ASB15: variants seen among roughly 807,000 people sequenced by gnomAD.
ASB15 encodes ankyrin repeat and SOCS box containing 15, also known as ankyrin repeat and SOCS box protein 15.
Under a neutral mutation model 58.0 loss-of-function variants are expected in ASB15, and 54 were observed. The ratio of observed to expected loss-of-function variants is 0.93; its 90% confidence interval spans 0.75 to 1.17. The LOEUF is 1.17. ASB15 is among the 50% of genes most tolerant of loss of function. ASB15 has a pLI of 0.00. For missense variants in ASB15, 680 were observed against 707.4 expected (o/e 0.96, Z 0.44); for synonymous variants, 249 against 262.4 (o/e 0.95, Z 0.50).
chr7:123,576,091 A>G (rs1799057065), intron 1 of ASB15, among the ~76,000 whole-genome samples: 1 of 151,124 alleles, frequency 6.6e-6, no homozygotes, highest in African/African-American at 2.4e-5. Context: ...GATATATAGG[A>G]ATATGCTTTA....
chr7:123,631,036 T>C (rs915699624), intron 11 of ASB15, among the ~76,000 whole-genome samples: 3 of 152,148 alleles, frequency 2.0e-5, no homozygotes, highest in Admixed American at 2.0e-4. Context: ...AGGAGTAGGA[T>C]TGCTAGATTA....
intron 1 of ASB15, among the ~76,000 whole-genome samples, chr7:123,603,269 G>T (rs1439685183): frequency 1.3e-5 from 2 of 152,118 alleles, no homozygotes; most frequent in Non-Finnish European, 2.9e-5. Flanking sequence ...AACAGACGTT[G>T]AATGTATATT....
chr7:123,605,850 C>T lies in ASB15; in HGVS notation c.-64+1638C>T, dbSNP rs79979874. ...CAGACGCCAAGACCTACCTGAGGGT[C>T]GAAAGTGGGAGGAGGGCAAGGATAG... On this transcript the variant is annotated intron_variant, in intron 2 of 11. Coordinates refer to ENST00000451215, the MANE Select transcript of ASB15 (RefSeq NM_001290258.2). Among the ~76,000 whole-genome samples the T allele has an allele frequency of 6.6e-4, 100 of 152,124 alleles. 1 individual carries two copies. The highest frequency in any genetic ancestry group is 2.4e-3 in the African/African-American group (99 of 41,520).
chr7:123,612,943 C>A (rs569748519), intron 3 of ASB15, among the ~76,000 whole-genome samples: 2 of 152,014 alleles, frequency 1.3e-5, no homozygotes, highest in East Asian at 3.9e-4. Flanking sequence ...AAGCAAAATA[C>A]CATTTACATC....
intron 11 of ASB15, among the ~76,000 whole-genome samples, chr7:123,633,872 C>T (rs536053993): frequency 2.6e-4 from 40 of 152,262 alleles, no homozygotes; most frequent in African/African-American, 9.6e-4. Flanking sequence ...AGCAAAGAAA[C>T]TCTGAAAGAC....
At position 123,629,457 on chromosome 7, in the gene ASB15, T is replaced by C. The variant is rs755684103; in HGVS notation, c.1440+23T>C. On this transcript the variant is annotated intron_variant, in intron 10 of 11. Coordinates refer to ENST00000451215, the MANE Select transcript of ASB15 (RefSeq NM_001290258.2). ...CCGGTGAGTTATGCCTTTTCTGCTT[T>C]ATATTGAGTTATCATCCTAATTTAA... 9.2e-6 allele frequency: 14 copies of C among 1,518,076 alleles called. No individual in the cohort carries two copies. In the Admixed American group the frequency reaches 1.8e-4, roughly 19 times the overall value. 94.0% of individuals were successfully genotyped at this position (1,518,076 alleles called of 1,614,324 possible).
At chr7:123,609,984 A>G (rs1433227676) in intron 3 of ASB15, among the ~76,000 whole-genome samples, 2 of 152,240 alleles carry the variant, frequency 1.3e-5, no homozygotes, top group African/African-American at 4.8e-5. Context: ...CAAAAAGTAC[A>G]GAATGAAGGC....
At chr7:123,590,465 TAA>T (rs1312748871) in intron 1 of ASB15, among the ~76,000 whole-genome samples, 10 of 152,234 alleles carry the variant, frequency 6.6e-5, no homozygotes, top group African/African-American at 2.4e-4. Context: ...GTCTTACATT[TAA>T]GTCTTTAATC....
chr7:123,625,098 C>G, intron 8 of ASB15: 1 of 360,364 alleles, frequency 2.8e-6, no homozygotes, highest in Non-Finnish European at 5.1e-6. Context: ...GGGCCTCATG[C>G]TCATCTTCTC....
In ASB15 at chr7:123,582,865, G is replaced by T. The variant is rs17146150; in HGVS notation, c.-443+15777G>T. 1.2e-3 allele frequency among the ~76,000 whole-genome samples: 190 copies of T among 152,064 alleles called. 5 individuals carry two copies. The East Asian group carries it at 0.033, about 26-fold the overall frequency. ...ATAAATACATACTTGGCAAATAAAT[G>T]AATGCAGTATTATTCAAAGAGGAAT... is the stretch of plus-strand genomic sequence containing the variant. On this transcript the variant is annotated intron_variant, in intron 1 of 13. Transcript: ENST00000451558.
intron 11 of ASB15, among the ~76,000 whole-genome samples, chr7:123,632,514 C>T (rs1015973166): frequency 1.3e-5 from 2 of 152,028 alleles, no homozygotes; most frequent in Admixed American, 6.6e-5. Context: ...AGTTGTTTGG[C>T]GGTGATTTCT....
chr7:123,632,878 G>A (rs1206081662), intron 11 of ASB15, among the ~76,000 whole-genome samples: 3 of 152,044 alleles, frequency 2.0e-5, no homozygotes, highest in Non-Finnish European at 2.9e-5. Flanking sequence ...AAGAACAAGT[G>A]ACTTATAAGA....
chr7:123,620,549 TATATA>T lies in ASB15; in HGVS notation c.451+2813_451+2817del, dbSNP rs1177722968. Among the ~76,000 whole-genome samples, 27 of 23,478 alleles carry T rather than the reference TATATA, an allele frequency of 1.2e-3. 1 individual carries two copies. The highest frequency in any genetic ancestry group is 1.5e-3 in the Non-Finnish European group (19 of 12,532). The allele number at this position is 23,478 out of a possible 152,430, so 15.4% of individuals were successfully genotyped here. A position where few individuals can be genotyped will look rare whatever the true frequency, so the allele number is the denominator to read the frequency against. On this transcript the variant is annotated intron_variant, in intron 7 of 11. Coordinates refer to ENST00000451215, the MANE Select transcript of ASB15 (RefSeq NM_001290258.2). Reference sequence around the variant, plus strand: ...ATATATATATATATATATATATATATATATATTTTTTTTTTTTTTTTTTTTTTTTT... The same window carrying T: ...ATATATATATATATATATATATATATTTTTTTTTTTTTTTTTTTTTTTTTT...
chr7:123,611,317 C>A (rs914156126), intron 3 of ASB15, among the ~76,000 whole-genome samples: 1 of 151,816 alleles, frequency 6.6e-6, no homozygotes, highest in African/African-American at 2.4e-5. Flanking sequence ...TTTTTTGAGA[C>A]GGAGTCTCGC....
chr7:123,599,687 T>G (rs536907625), upstream of ASB15, among the ~76,000 whole-genome samples: 1 of 152,352 alleles, frequency 6.6e-6, no homozygotes, highest in African/African-American at 2.4e-5. Flanking sequence ...GTGCTTCAAC[T>G]ATTTTAACCT....
At chr7:123,588,246 G>A (rs1451163444) in intron 1 of ASB15, among the ~76,000 whole-genome samples, 1 of 151,712 alleles carries the variant, frequency 6.6e-6, no homozygotes, top group African/African-American at 2.4e-5. Context: ...TTTCTTCATA[G>A]TTCAGTCTTG....
At chr7:123,611,324 T>C (rs1318646600) in intron 3 of ASB15, among the ~76,000 whole-genome samples, 1 of 152,146 alleles carries the variant, frequency 6.6e-6, no homozygotes, top group Non-Finnish European at 1.5e-5. Context: ...AGACGGAGTC[T>C]CGCTCTGTCG....
chr7:123,625,762 C>T (rs1801730858), intron 8 of ASB15, among the ~76,000 whole-genome samples: 1 of 152,150 alleles, frequency 6.6e-6, no homozygotes, highest in Non-Finnish European at 1.5e-5. Flanking sequence ...GAGACCCTAG[C>T]CTTATTCCTT....
At chr7:123,612,533 T>A (rs1800524548) in intron 3 of ASB15, 1 of 152,098 alleles carries the variant, frequency 6.6e-6, no homozygotes, top group Non-Finnish European at 1.5e-5. Context: ...ACCGAGAGTT[T>A]ATATAGGAGG....
Sources: allele counts gnomAD v4.1 joint callset (sites outside exome capture counted in the v4.1 genomes callset), GRCh38; gene constraint gnomAD v4.1.1; transcripts MANE v1.5; gene names NCBI Gene and HGNC (gene_info 2026-07-23, HGNC 2026-07-21).